FNDC3A: variants seen among roughly 807,000 people sequenced by gnomAD.
FNDC3A encodes fibronectin type-III domain-containing protein 3A.
A neutral mutation model predicts 148.9 loss-of-function variants in FNDC3A; 32 were observed. That is an observed-to-expected ratio of 0.21 (90% CI 0.16 to 0.29). The LOEUF is 0.29. Ranked by LOEUF, FNDC3A falls within the 10% of genes least tolerant of loss-of-function variation. The pLI, the probability that FNDC3A is intolerant of heterozygous loss-of-function variation, is 1.00. For missense variants in FNDC3A, 1,191 were observed against 1,452.8 expected (o/e 0.82, Z 2.93); for synonymous variants, 472 against 473.6 (o/e 1.00, Z 0.04).
intron 2 of FNDC3A, among the ~76,000 whole-genome samples, chr13:49,064,287 G>C (rs1877100361): frequency 6.6e-6 from 1 of 152,028 alleles, no homozygotes; most frequent in South Asian, 2.1e-4. Flanking sequence ...GTTGCAGTGA[G>C]CCAAGATCGT....
At chr13:49,004,576 A>G (rs1416765912) in intron 1 of FNDC3A, among the ~76,000 whole-genome samples, 2 of 151,970 alleles carry the variant, frequency 1.3e-5, no homozygotes, top group Non-Finnish European at 2.9e-5. Flanking sequence ...TTCAGAAGAA[A>G]ATCTGTATTT....
chr13:49,180,405 A>T (rs1720721284), intron 14 of FNDC3A, among the ~76,000 whole-genome samples: 1 of 152,170 alleles, frequency 6.6e-6, no homozygotes, highest in African/African-American at 2.4e-5. Flanking sequence ...GCTTTATTTT[A>T]TGCTATTAGC....
intron 2 of FNDC3A, among the ~76,000 whole-genome samples, chr13:49,007,128 C>G (rs1314119428): frequency 6.6e-6 from 1 of 152,058 alleles, no homozygotes; most frequent in African/African-American, 2.4e-5. Context: ...GTGCTCCTAA[C>G]TGTTACTCAT....
intron 4 of FNDC3A, 147 bp downstream of exon 4, chr13:49,114,878 T>G: frequency 1.5e-6 from 1 of 658,646 alleles, no homozygotes; most frequent in Non-Finnish European, 2.7e-6. Flanking sequence ...TTCAAGTATT[T>G]TAGTACATTT....
chr13:49,139,545 C>T (rs1344439500), intron 7 of FNDC3A, among the ~76,000 whole-genome samples: 8 of 152,044 alleles, frequency 5.3e-5, no homozygotes, highest in Admixed American at 2.0e-4. Flanking sequence ...GCTTATCTTG[C>T]CATGTTTTAG....
chr13:49,154,467 A>G (rs1164785375), intron 8 of FNDC3A, among the ~76,000 whole-genome samples: 2 of 148,112 alleles, frequency 1.4e-5, no homozygotes, highest in South Asian at 2.2e-4. Flanking sequence ...GTCTGCAAAC[A>G]GGGACAATTT....
intron 2 of FNDC3A, among the ~76,000 whole-genome samples, chr13:49,054,353 C>A (rs1280888643): frequency 6.6e-6 from 1 of 152,058 alleles, no homozygotes; most frequent in Non-Finnish European, 1.5e-5. Flanking sequence ...TGGTTGATGC[C>A]AGATTCCTGA....
chr13:49,019,670 C>T (rs1203173073), intron 2 of FNDC3A, among the ~76,000 whole-genome samples: 4 of 152,334 alleles, frequency 2.6e-5, no homozygotes, highest in East Asian at 1.9e-4. Flanking sequence ...ATATTTCTGG[C>T]TAAACCCAAT....
chr13:49,116,190 C>G (rs1216964652), intron 4 of FNDC3A, among the ~76,000 whole-genome samples: 1 of 152,212 alleles, frequency 6.6e-6, no homozygotes, highest in African/African-American at 2.4e-5. Flanking sequence ...TTTCATTTCA[C>G]TTCATCGTGA....
chr13:49,146,760 C>T (rs1171701648), intron 8 of FNDC3A: 2 of 152,086 alleles, frequency 1.3e-5, no homozygotes, highest in East Asian at 1.9e-4. Context: ...AAGTATATTA[C>T]GCACCACGAA....
chr13:49,199,717 T>C (rs1044931568), intron 23 of FNDC3A, among the ~76,000 whole-genome samples: 15 of 152,224 alleles, frequency 9.9e-5, no homozygotes, highest in Non-Finnish European at 5.9e-5. Context: ...TCCAGATTCC[T>C]GACACAGGGC....
chr13:49,028,487 A>C (rs1180593763), intron 2 of FNDC3A, among the ~76,000 whole-genome samples: 4 of 151,756 alleles, frequency 2.6e-5, no homozygotes, highest in African/African-American at 9.7e-5. Context: ...TGATCCTCCA[A>C]CCTCATCTTC....
chr13:49,205,657 C>T (rs911881948), intron 25 of FNDC3A, among the ~76,000 whole-genome samples: 6 of 152,126 alleles, frequency 3.9e-5, no homozygotes, highest in Non-Finnish European at 5.9e-5. Flanking sequence ...GATACCCAAC[C>T]TGTACCATCT....
intron 3 of FNDC3A, among the ~76,000 whole-genome samples, chr13:49,095,991 T>A (rs1879501531): frequency 2.0e-5 from 3 of 152,114 alleles, no homozygotes; most frequent in Admixed American, 6.6e-5. Flanking sequence ...TACCTAGATA[T>A]ATAGAGATAG....
chr13:49,158,858 A>T, intron 8 of FNDC3A, among the ~76,000 whole-genome samples: 1 of 152,156 alleles, frequency 6.6e-6, no homozygotes, highest in East Asian at 1.9e-4. Flanking sequence ...TTTTCCCAGC[A>T]CCATTTATTA....
At chr13:49,073,984 G>A (rs931918335) in intron 2 of FNDC3A, among the ~76,000 whole-genome samples, 15 of 151,890 alleles carry the variant, frequency 9.9e-5, no homozygotes, top group African/African-American at 3.6e-4. Context: ...AGGCAGCAAA[G>A]ATTTTAAAAC....
chr13:49,020,148 A>G (rs948842938), intron 2 of FNDC3A, among the ~76,000 whole-genome samples: 1 of 152,234 alleles, frequency 6.6e-6, no homozygotes, highest in African/African-American at 2.4e-5. Context: ...ATGATCAGGC[A>G]TTTGAGGCAT....
intron 5 of FNDC3A, among the ~76,000 whole-genome samples, chr13:49,131,634 T>C (rs1037849432): frequency 1.3e-5 from 2 of 152,080 alleles, no homozygotes; most frequent in Non-Finnish European, 2.9e-5. Flanking sequence ...AAACAAGAGG[T>C]CTTTTCCTCT....
rs1478462090 is a variant in FNDC3A at position 49,145,765 on chromosome 13, T to C, written c.820-13T>C. ...GTTGTTTTAAAGAACTTTTAAATGT[T>C]GTATTTTTACAGGCCTCCGACATCC... On this transcript the variant is annotated splice_polypyrimidine_tract_variant and intron_variant, in intron 7 of 25. Coordinates refer to ENST00000492622, the MANE Select transcript of FNDC3A (RefSeq NM_001079673.2). 2 of 1,611,940 alleles carry C rather than the reference T, an allele frequency of 1.2e-6. No homozygotes were observed. The highest frequency in any genetic ancestry group is 1.3e-5 in the African/African-American group (1 of 74,868).
Sources: gnomAD v4.1 joint callset for allele counts (sites outside exome capture counted in the v4.1 genomes callset) on GRCh38, gnomAD v4.1.1 for gene constraint, MANE v1.5 for transcripts, NCBI Gene and HGNC (gene_info 2026-07-23, HGNC 2026-07-21) for gene names.